The following STAT4 variants were observed in gnomAD, a reference collection of about 807,000 sequenced individuals.
The protein encoded by STAT4 is signal transducer and activator of transcription 4.
A neutral mutation model predicts 110.5 loss-of-function variants in STAT4; 42 were observed. That is an observed-to-expected ratio of 0.38 (90% CI 0.30 to 0.49). The LOEUF is 0.49. Among genes scored for constraint, STAT4 ranks in the 20% least tolerant of loss-of-function variants. The pLI is 0.95. For missense variants in STAT4, 632 were observed against 887.9 expected (o/e 0.71, Z 3.66); for synonymous variants, 284 against 302.2 (o/e 0.94, Z 0.63).
At chr2:191,137,436 G>A (rs1001241655) in intron 3 of STAT4, among the ~76,000 whole-genome samples, 4 of 152,112 alleles carry the variant, frequency 2.6e-5, no homozygotes, top group African/African-American at 7.2e-5. Context: ...ACTGCCCAAA[G>A]CAATCTACAG....
chr2:191,036,600 G>C, intron 16 of STAT4, among the ~76,000 whole-genome samples: 1 of 152,178 alleles, frequency 6.6e-6, no homozygotes, highest in East Asian at 1.9e-4. Flanking sequence ...CAAATCAAGA[G>C]GTCAAGCTGC....
intron 4 of STAT4, 157 bp downstream of exon 4, chr2:191,076,070 T>C: frequency 1.6e-6 from 1 of 608,744 alleles, no homozygotes; most frequent in Non-Finnish European, 2.9e-6. Context: ...GCCAGACTGG[T>C]CTCAAACTCT....
intron 1 of STAT4, among the ~76,000 whole-genome samples, chr2:191,149,855 C>T (rs528249177): frequency 3.2e-4 from 48 of 152,220 alleles, no homozygotes; most frequent in South Asian, 1.7e-3. Context: ...GTTAAACCCC[C>T]GCTATGATTT....
rs1695907194 is a variant in STAT4 at position 191,031,894 on chromosome 2, C to A, written c.2045-378G>T. ...CCAGTTCTTTTCATTAAAATTGACA[C>A]CAATCAGAATCTTATGATTGCAAAC... On this transcript the variant is annotated intron_variant, in intron 21 of 23. Transcript: ENST00000392320. The surrounding 1 kb of genome is among the most constrained non-coding windows in gnomAD (Gnocchi z 4.8). Among the ~76,000 whole-genome samples the A allele has an allele frequency of 6.6e-6, 1 of 152,098 alleles. No homozygotes were observed. The highest frequency in any genetic ancestry group is 1.5e-5 in the Non-Finnish European group (1 of 68,000).
rs572232923 is a variant in STAT4, at chr2:191,135,104, C to G, written c.273+11509G>C. ...GAGACTAAAAAAAGATACAAAGGAT[C>G]AACAAAATGAAAAACTAGTTGTTTT... is the stretch of plus-strand genomic sequence containing the variant. On this transcript the variant is annotated intron_variant, in intron 3 of 23. Transcript: ENST00000392320. The surrounding 1 kb of genome is among the most constrained non-coding windows in gnomAD (Gnocchi z 4.8). 7.0e-4 allele frequency among the ~76,000 whole-genome samples: 106 copies of G among 151,514 alleles called. No homozygotes were observed. Among genetic ancestry groups the G allele is most frequent in the African/African-American group, 2.5e-3 (104 of 41,356 alleles).
chr2:191,073,745 G>A (rs776752446), intron 4 of STAT4, among the ~76,000 whole-genome samples: 15 of 152,118 alleles, frequency 9.9e-5, no homozygotes, highest in Non-Finnish European at 1.5e-4. Flanking sequence ...ATATATATAT[G>A]ATCTCTATTG....
intron 8 of STAT4, among the ~76,000 whole-genome samples, 174 bp from the exon 9 acceptor site, chr2:191,063,094 C>T (rs919690336): frequency 3.9e-5 from 6 of 152,002 alleles, no homozygotes; most frequent in Admixed American, 2.6e-4. Context: ...ATTTTCCTAA[C>T]CCATTTTTTT....
chr2:191,116,478 T>G lies in STAT4; in HGVS notation c.273+30135A>C, dbSNP rs1367491742. Among the ~76,000 whole-genome samples the G allele has an allele frequency of 6.6e-6, 1 of 152,202 alleles. No individual in the cohort carries two copies. Among genetic ancestry groups the G allele is most frequent in the Admixed American group, 6.5e-5 (1 of 15,280 alleles). ...ACCCGAGTAGCCTAGAAAATAATCT[T>G]CTAATAAAATCAGTGTAGATTTACA... On this transcript the variant is annotated intron_variant, in intron 3 of 23. Transcript: ENST00000392320. This position sits in a 1 kb window ranked among gnomAD's most constrained non-coding sequence, Gnocchi z 4.1.
At chr2:191,076,138 G>T in intron 4 of STAT4, 89 bp downstream of exon 4, 1 of 1,066,688 alleles carries the variant, frequency 9.4e-7, no homozygotes, top group Non-Finnish European at 1.4e-6. Context: ...ACAGGTGTGA[G>T]CCACTGTACC....
chr2:191,087,452 G>A (rs1697664298), intron 3 of STAT4, among the ~76,000 whole-genome samples: 1 of 152,108 alleles, frequency 6.6e-6, no homozygotes, highest in Admixed American at 6.6e-5. Flanking sequence ...CTCTTTTGTG[G>A]GAAAAATTTG....
chr2:191,113,285 G>A lies in STAT4; in HGVS notation c.273+33328C>T, dbSNP rs772916679. 1.2e-4 allele frequency among the ~76,000 whole-genome samples: 18 copies of A among 152,196 alleles called. No homozygotes were observed. Among genetic ancestry groups the A allele is most frequent in the Non-Finnish European group, 2.5e-4 (17 of 68,044 alleles). On this transcript the variant is annotated intron_variant, in intron 3 of 23. Coordinates refer to ENST00000392320, the MANE Select transcript of STAT4 (RefSeq NM_003151.4). This position sits in a 1 kb window ranked among gnomAD's most constrained non-coding sequence, Gnocchi z 4.8. ...TCTCACTGCTGTGAGTAATCACACC[G>A]AACAAGCATTATCTCTCCTATTTTT...
At position 191,064,923 on chromosome 2, in the gene STAT4, C is replaced by G. The variant is rs1421052420; in HGVS notation, c.666G>C (p.Glu222Asp). ...GCATGGTGTTCATTAACAGGTCTGT[C>G]TCATGGATGATTTGGGTCATTTTAC... ...ALSKMTQIIH[E>D]TDLLMNTMLI... Residue 222 changes from glutamate to aspartate, a missense_variant, in exon 8 of 24, where the codon GAG becomes GAC. Physicochemically the swap from Glu to Asp is conservative, Grantham distance 45. Coordinates refer to ENST00000392320, the MANE Select transcript of STAT4 (RefSeq NM_003151.4). The G allele has an allele frequency of 6.2e-7, 1 of 1,608,774 alleles. No individual in the cohort carries two copies. Among genetic ancestry groups the G allele is most frequent in the East Asian group, 2.3e-5 (1 of 44,198 alleles).
At position 191,037,847 on chromosome 2, in the gene STAT4, A is replaced by C. The variant is rs1403946662; in HGVS notation, c.1434+1352T>G. Among the ~76,000 whole-genome samples, 2 of 152,244 alleles carry C rather than the reference A, an allele frequency of 1.3e-5. No homozygotes were observed. Among genetic ancestry groups the C allele is most frequent in the Non-Finnish European group, 2.9e-5 (2 of 68,040 alleles). ...AAAGTGACCAGAAAGCACAGAATAC[A>C]ATCAAGGCCTAAGGGCTTAGGTTTC... On this transcript the variant is annotated intron_variant, in intron 16 of 23. Transcript: ENST00000392320. The surrounding 1 kb of genome is among the most constrained non-coding windows in gnomAD (Gnocchi z 4.8).
chr2:191,095,214 G>C (rs1210447143), intron 3 of STAT4, among the ~76,000 whole-genome samples: 2 of 152,060 alleles, frequency 1.3e-5, no homozygotes, highest in Non-Finnish European at 2.9e-5. Flanking sequence ...CAACGAGACA[G>C]GTTAACAAGG....
rs1405872272 is a variant in STAT4 at position 191,146,649 on chromosome 2, C to G, written c.237G>C (p.Leu79Phe). 6.3e-7 allele frequency: 1 copy of G among 1,585,034 alleles called. No individual in the cohort carries two copies. Among genetic ancestry groups the G allele is most frequent in the Non-Finnish European group, 8.6e-7 (1 of 1,167,058 alleles). The change falls in exon 3 of 24, where the codon TTG becomes TTC. Residue 79 changes from leucine (L) to phenylalanine (F), a missense_variant. Leu to Phe is a conservative substitution (Grantham distance 22, BLOSUM62 0). Coordinates refer to ENST00000392320, the MANE Select transcript of STAT4 (RefSeq NM_003151.4). This position sits in a 1 kb window ranked among gnomAD's most constrained non-coding sequence, Gnocchi z 4.5. ...TCCTAATTCTTTTTAGATTGTGTAT[C>G]AAGAGTAGGTTTTTCTCTTTGGAAA... ...GRVSKEKNLLLIHNLKRIRKV... is the reference protein window; with the variant it reads ...GRVSKEKNLLFIHNLKRIRKV...
intron 13 of STAT4, among the ~76,000 whole-genome samples, chr2:191,056,294 T>C (rs1207053994): frequency 6.6e-6 from 1 of 152,132 alleles, no homozygotes; most frequent in African/African-American, 2.4e-5. Context: ...GTAGGGTCTT[T>C]GGGAATCTTA....
intron 3 of STAT4, among the ~76,000 whole-genome samples, chr2:191,105,418 C>T (rs1698252415): frequency 6.6e-6 from 1 of 152,180 alleles, no homozygotes; most frequent in African/African-American, 2.4e-5. Context: ...TGCATGTTTG[C>T]TTGTTCTTTT....
intron 7 of STAT4, 123 bp from the exon 8 acceptor site, chr2:191,065,081 T>A: frequency 9.7e-7 from 1 of 1,035,030 alleles, no homozygotes; most frequent in Non-Finnish European, 1.3e-6. Flanking sequence ...AATATTTTAC[T>A]AAATGCTAGC....
chr2:191,102,827 T>C (rs1698179835), intron 3 of STAT4, among the ~76,000 whole-genome samples: 1 of 152,204 alleles, frequency 6.6e-6, no homozygotes, highest in Non-Finnish European at 1.5e-5. Context: ...GTTCCTTCCA[T>C]TCGCTTTTGT....
Sources: gnomAD v4.1 joint callset for allele counts (sites outside exome capture counted in the v4.1 genomes callset) on GRCh38, gnomAD v4.1.1 for gene constraint, Gnocchi (gnomAD v3.1) non-coding constraint, MANE v1.5 for transcripts, NCBI Gene and HGNC (gene_info 2026-07-23, HGNC 2026-07-21) for gene names.